The following BORCS5 variants were observed in gnomAD, a reference collection of about 807,000 sequenced individuals.
The protein encoded by BORCS5 is BLOC-1-related complex subunit 5.
BORCS5 carries 17 observed loss-of-function variants against 22.1 expected under a neutral mutation model. The ratio of observed to expected loss-of-function variants is 0.77; its 90% confidence interval spans 0.53 to 1.15. The LOEUF is 1.15. Among genes scored for constraint, BORCS5 ranks in the 50% most tolerant of loss-of-function variants. The probability of loss-of-function intolerance (pLI) is 0.00; values close to 1 mark genes in which losing one functional copy is unlikely to be tolerated. For missense variants in BORCS5, 247 were observed against 253.2 expected, an observed-to-expected ratio of 0.98 and a Z score of 0.17; for synonymous variants, 117 against 99.8, an observed-to-expected ratio of 1.17 and a Z score of -1.03.
At chr12:12,423,433 C>T (rs1942193792) in intron 2 of BORCS5, among the ~76,000 whole-genome samples, 1 of 142,368 alleles carries the variant, frequency 7.0e-6, no homozygotes, top group Non-Finnish European at 1.5e-5. Flanking sequence ...AAGAAACTCC[C>T]TCAGCTTTTT....
At chr12:12,464,535 C>T (rs1943164906) in intron 3 of BORCS5, among the ~76,000 whole-genome samples, 1 of 152,056 alleles carries the variant, frequency 6.6e-6, no homozygotes, top group African/African-American at 2.4e-5. Flanking sequence ...GCTGGAGGAG[C>T]CTGGGAACCT....
intron 3 of BORCS5, among the ~76,000 whole-genome samples, chr12:12,465,071 A>C (rs1287882904): frequency 6.6e-6 from 1 of 152,086 alleles, no homozygotes; most frequent in East Asian, 1.9e-4. Flanking sequence ...TTCTGGACTC[A>C]AGCCATCCTC....
At chr12:12,433,748 A>G (rs1249710895) in intron 2 of BORCS5, among the ~76,000 whole-genome samples, 1 of 152,198 alleles carries the variant, frequency 6.6e-6, no homozygotes, top group Non-Finnish European at 1.5e-5. Context: ...CTTGTAGTGC[A>G]GCAGCTGAGC....
At chr12:12,364,384 A>ATAAAAT (rs57331752) in intron 2 of BORCS5, among the ~76,000 whole-genome samples, 122,886 of 151,542 alleles carry the variant, frequency 0.81, 50,998 homozygotes, top group East Asian at 0.99. Context: ...TCAAAGAAAA[A>ATAAAAT]TATAAGGAAG....
Position 12,425,585 on chromosome 12 carries a change from T to A in BORCS5, c.203-10043T>A, listed in dbSNP as rs191598427. On this transcript the variant is annotated intron_variant, in intron 2 of 3. Coordinates refer to ENST00000314565, the MANE Select transcript of BORCS5 (RefSeq NM_058169.6). ...CTCATTGTGTTTTGTATTTCCCTCA[T>A]GATTAGTGATGTCGAGCATCCTTCA... is the stretch of plus-strand genomic sequence containing the variant. Among the ~76,000 whole-genome samples the A allele has an allele frequency of 3.2e-3, 485 of 152,358 alleles. 1 individual carries two copies. The highest frequency in any genetic ancestry group is 6.5e-3 in the Admixed American group (100 of 15,310).
chr12:12,391,105 A>G (rs1008258215), intron 2 of BORCS5, among the ~76,000 whole-genome samples: 2 of 151,978 alleles, frequency 1.3e-5, no homozygotes, highest in African/African-American at 4.8e-5. Context: ...TTGTGCATCC[A>G]GTCAGTCTTG....
chr12:12,442,743 T>G (rs928716473), intron 3 of BORCS5, among the ~76,000 whole-genome samples: 3 of 152,248 alleles, frequency 2.0e-5, no homozygotes, highest in African/African-American at 7.2e-5. Flanking sequence ...ACCATACTAC[T>G]TATGTTCTGC....
chr12:12,465,658 G>A lies in BORCS5; in HGVS notation c.473G>A (p.Arg158His), dbSNP rs957497487. 5 of 1,614,254 alleles carry A rather than the reference G, an allele frequency of 3.1e-6. No individual in the cohort carries two copies. The highest frequency in any genetic ancestry group is 1.3e-5 in the African/African-American group (1 of 75,058). ...KVNEMSAILR[R>H]IQMGIDQTVP... ...AACGAGATGTCCGCCATCCTCCGCC[G>A]CATACAGATGGGCATCGACCAGACT... The change falls in exon 4 of 4, where the codon CGC (arginine) becomes CAC (histidine). Residue 158 changes from arginine to histidine, a missense_variant. Physicochemically the swap from Arg to His is conservative, Grantham distance 29. Transcript: ENST00000314565.
chr12:12,413,441 T>TTA (rs1175530722), intron 2 of BORCS5, among the ~76,000 whole-genome samples: 1 of 148,994 alleles, frequency 6.7e-6, no homozygotes, highest in Non-Finnish European at 1.5e-5. Flanking sequence ...AGAATTTTTC[T>TTA]TAGTACAGAA....
chr12:12,367,283 G>A (rs936157086), intron 2 of BORCS5, among the ~76,000 whole-genome samples: 9 of 152,174 alleles, frequency 5.9e-5, no homozygotes, highest in Non-Finnish European at 1.2e-4. Flanking sequence ...AAAAGTCTTT[G>A]CATTCATCAG....
chr12:12,385,586 TGCAAC>T (rs1863862427), intron 2 of BORCS5, among the ~76,000 whole-genome samples: 1 of 150,742 alleles, frequency 6.6e-6, no homozygotes, highest in South Asian at 2.1e-4. Flanking sequence ...CTCGGCTCAC[TGCAAC>T]CTCCAACTCC....
intron 2 of BORCS5, among the ~76,000 whole-genome samples, chr12:12,410,463 G>A (rs1348577861): frequency 1.3e-5 from 2 of 152,102 alleles, no homozygotes; most frequent in Non-Finnish European, 2.9e-5. Context: ...AGTTTTCCCA[G>A]CACCATTTAT....
chr12:12,456,537 C>T (rs945691757), intron 3 of BORCS5, among the ~76,000 whole-genome samples: 1 of 152,212 alleles, frequency 6.6e-6, no homozygotes, highest in African/African-American at 2.4e-5. Context: ...GTTTTTGAAG[C>T]ACCGTACTCT....
In BORCS5 at chr12:12,372,527, C is replaced by T. The variant is rs77503914; in HGVS notation, c.202+11178C>T. Among the ~76,000 whole-genome samples, 737 of 152,120 alleles carry T rather than the reference C, an allele frequency of 4.8e-3. 4 individuals are homozygous for T. Among genetic ancestry groups the T allele is most frequent in the Middle Eastern group, 0.027 (8 of 294 alleles). On this transcript the variant is annotated intron_variant, in intron 2 of 3. Transcript: ENST00000314565. ...CACCTGGCCTGGATTTCATTTTATT[C>T]CTTTAAGGATACCAGACTTTATTCT...
intron 2 of BORCS5, among the ~76,000 whole-genome samples, chr12:12,407,339 C>T (rs1941615978): frequency 6.6e-6 from 1 of 151,436 alleles, no homozygotes; most frequent in African/African-American, 2.4e-5. Flanking sequence ...GGAATTTATT[C>T]TTTCCTTTGT....
intron 3 of BORCS5, among the ~76,000 whole-genome samples, chr12:12,446,198 A>G (rs1459848238): frequency 3.4e-5 from 5 of 147,086 alleles, no homozygotes; most frequent in African/African-American, 7.4e-5. Context: ...CATTGTGGAC[A>G]CAGACAATAA....
At chr12:12,389,505 T>C (rs1941113844) in intron 2 of BORCS5, among the ~76,000 whole-genome samples, 1 of 151,930 alleles carries the variant, frequency 6.6e-6, no homozygotes, top group African/African-American at 2.4e-5. Flanking sequence ...CAGTATCTTT[T>C]AAGCCCAACT....
At chr12:12,430,147 GA>G in intron 2 of BORCS5, among the ~76,000 whole-genome samples, 1 of 82,922 alleles carries the variant, frequency 1.2e-5, no homozygotes, top group African/African-American at 6.3e-5. Context: ...TCACCTTAGA[GA>G]AAATTTTTTT....
At chr12:12,358,893 C>T (rs1255572702) in intron 1 of BORCS5, among the ~76,000 whole-genome samples, 1 of 152,130 alleles carries the variant, frequency 6.6e-6, no homozygotes, top group Non-Finnish European at 1.5e-5. Flanking sequence ...GAAATAAAAG[C>T]AGCAGAGATT....
Sources: allele counts gnomAD v4.1 joint callset (sites outside exome capture counted in the v4.1 genomes callset), GRCh38; gene constraint gnomAD v4.1.1; transcripts MANE v1.5; gene names NCBI Gene and HGNC (gene_info 2026-07-23, HGNC 2026-07-21).